Variants in TTC28 observed in about 807,000 individuals in gnomAD.
TTC28 encodes tetratricopeptide repeat protein 28.
In TTC28, 61 loss-of-function variants were observed where a neutral mutation model predicts 198.0. That is an observed-to-expected ratio of 0.31 (90% CI 0.25 to 0.38). The LOEUF is 0.38. Ranked by LOEUF, TTC28 falls within the 10% of genes least tolerant of loss-of-function variation. The pLI, the probability that TTC28 is intolerant of heterozygous loss-of-function variation, is 1.00. For missense variants in TTC28, 2,678 were observed against 3,164.0 expected (o/e 0.85, Z 3.69); for synonymous variants, 1,171 against 1,297.8 (o/e 0.90, Z 2.10).
At chr22:28,316,269 A>C (rs1462556498) in intron 2 of TTC28, among the ~76,000 whole-genome samples, 1 of 152,070 alleles carries the variant, frequency 6.6e-6, no homozygotes, top group African/African-American at 2.4e-5. Flanking sequence ...GAAAGAATTC[A>C]ACAGATGACC....
At chr22:28,386,131 C>T (rs1462130026) in intron 2 of TTC28, among the ~76,000 whole-genome samples, 2 of 150,712 alleles carry the variant, frequency 1.3e-5, no homozygotes, top group Non-Finnish European at 3.0e-5. Context: ...AAAAAATAGC[C>T]GGGCGTAGTG....
chr22:28,049,314 C>T (rs969140802), intron 12 of TTC28, among the ~76,000 whole-genome samples: 5 of 152,162 alleles, frequency 3.3e-5, no homozygotes, highest in African/African-American at 1.2e-4. Flanking sequence ...CAAGGAGAAC[C>T]AAGTCAGTCA....
intron 5 of TTC28, among the ~76,000 whole-genome samples, chr22:28,199,115 C>A (rs978542767): frequency 6.6e-6 from 1 of 151,774 alleles, no homozygotes; most frequent in Non-Finnish European, 1.5e-5. Context: ...TATCTTGTAA[C>A]CCAGTATTTC....
intron 2 of TTC28, among the ~76,000 whole-genome samples, chr22:28,614,003 T>C (rs780815249): frequency 1.2e-4 from 19 of 152,214 alleles, no homozygotes; most frequent in Non-Finnish European, 2.2e-4. Flanking sequence ...GAAGTCAAAT[T>C]GTCTCTGTTT....
intron 1 of TTC28, among the ~76,000 whole-genome samples, chr22:28,671,166 A>G (rs2051874601): frequency 6.6e-6 from 1 of 151,940 alleles, no homozygotes; most frequent in African/African-American, 2.4e-5. Flanking sequence ...GCTGATCTCA[A>G]ACTCCTGGGC....
At chr22:28,587,906 C>G (rs1283163609) in intron 2 of TTC28, among the ~76,000 whole-genome samples, 1 of 151,832 alleles carries the variant, frequency 6.6e-6, no homozygotes, top group Non-Finnish European at 1.5e-5. Flanking sequence ...CTTTGGGAGA[C>G]CAAGGCGGGT....
intron 5 of TTC28, among the ~76,000 whole-genome samples, chr22:28,209,246 G>C (rs1033441090): frequency 6.6e-6 from 1 of 152,164 alleles, no homozygotes; most frequent in Non-Finnish European, 1.5e-5. Context: ...ACAGAAGATG[G>C]GTGATTTCCG....
At chr22:28,305,353 G>A (rs555028049) in intron 3 of TTC28, among the ~76,000 whole-genome samples, 1 of 152,084 alleles carries the variant, frequency 6.6e-6, no homozygotes, top group Non-Finnish European at 1.5e-5. Context: ...CCTCAGCTTT[G>A]TAGAGTTTAT....
intron 12 of TTC28, among the ~76,000 whole-genome samples, chr22:28,037,917 G>A (rs1000881700): frequency 3.5e-4 from 53 of 152,130 alleles, no homozygotes; most frequent in Admixed American, 2.0e-3. Context: ...TCCCATTCGC[G>A]ATTGCTTCAA....
chr22:28,225,115 G>A (rs1417978171), intron 5 of TTC28, among the ~76,000 whole-genome samples: 1 of 152,068 alleles, frequency 6.6e-6, no homozygotes, highest in Non-Finnish European at 1.5e-5. Flanking sequence ...TGGCTCACCT[G>A]TAATCCCAGC....
chr22:28,036,130 A>G (rs997613225), intron 12 of TTC28, among the ~76,000 whole-genome samples: 5 of 152,216 alleles, frequency 3.3e-5, no homozygotes, highest in African/African-American at 1.2e-4. Flanking sequence ...TCAGCTCTGG[A>G]CCAAGTGGAC....
At chr22:28,234,201 T>A (rs1929054504) in intron 5 of TTC28, among the ~76,000 whole-genome samples, 1 of 151,416 alleles carries the variant, frequency 6.6e-6, no homozygotes, top group African/African-American at 2.4e-5. Context: ...CCACCGCACC[T>A]GGCCAAATTT....
intron 2 of TTC28, among the ~76,000 whole-genome samples, chr22:28,401,097 T>C (rs2046899126): frequency 6.6e-6 from 1 of 150,664 alleles, no homozygotes; most frequent in South Asian, 2.1e-4. Flanking sequence ...ATAAGAAAGA[T>C]GGTACAGAGT....
intron 12 of TTC28, among the ~76,000 whole-genome samples, chr22:28,083,071 AT>A (rs201798492): frequency 0.018 from 2,544 of 140,718 alleles, 25 homozygotes; most frequent in African/African-American, 0.037. Context: ...ATGATGATTC[AT>A]TTTTTTTTTT....
intron 2 of TTC28, among the ~76,000 whole-genome samples, chr22:28,552,158 G>C (rs916445600): frequency 1.3e-5 from 2 of 151,972 alleles, no homozygotes; most frequent in African/African-American, 2.4e-5. Context: ...AAAATACTTA[G>C]GAATATACCT....
chr22:28,186,838 T>C (rs1924248485), intron 5 of TTC28, among the ~76,000 whole-genome samples: 1 of 152,164 alleles, frequency 6.6e-6, no homozygotes, highest in South Asian at 2.1e-4. Flanking sequence ...TGAGTGATGG[T>C]AGCTCTGATG....
intron 2 of TTC28, among the ~76,000 whole-genome samples, chr22:28,469,175 T>C (rs2048066895): frequency 6.6e-6 from 1 of 152,168 alleles, no homozygotes; most frequent in Admixed American, 6.5e-5. Context: ...AGACTACCTC[T>C]TGTGGGAATC....
At chr22:28,371,538 A>G (rs1275624061) in intron 2 of TTC28, among the ~76,000 whole-genome samples, 6 of 128,004 alleles carry the variant, frequency 4.7e-5, no homozygotes, top group African/African-American at 1.7e-4. Context: ...AAGAGTTCAG[A>G]AAACAGACAA....
chr22:28,053,744 A>G (rs947349882), intron 12 of TTC28, among the ~76,000 whole-genome samples: 1 of 152,160 alleles, frequency 6.6e-6, no homozygotes, highest in Non-Finnish European at 1.5e-5. Context: ...GGACAGCTAC[A>G]TTCCTCTTTT....
Sources: gnomAD v4.1 joint callset for allele counts (sites outside exome capture counted in the v4.1 genomes callset) on GRCh38, gnomAD v4.1.1 for gene constraint, MANE v1.5 for transcripts, NCBI Gene and HGNC (gene_info 2026-07-23, HGNC 2026-07-21) for gene names.